Variants in FOXP1 observed in about 807,000 individuals in gnomAD.
FOXP1 encodes forkhead box P1, also known as forkhead box protein P1.
FOXP1 carries 15 observed loss-of-function variants against 98.2 expected under a neutral mutation model. The ratio of observed to expected loss-of-function variants is 0.15; its 90% CI spans 0.10 to 0.24. The LOEUF (loss-of-function observed/expected upper bound fraction) is 0.24. Ranked by LOEUF, FOXP1 falls within the 10% of genes least tolerant of loss-of-function variation. The pLI is 1.00. For synonymous variants in FOXP1, 371 were observed against 314.5 expected (o/e 1.18, Z -1.90); for missense variants, 633 against 848.5 (o/e 0.75, Z 3.15).
intron 12 of FOXP1, among the ~76,000 whole-genome samples, chr3:71,012,919 T>A (rs2043868180): frequency 6.6e-6 from 1 of 152,204 alleles, no homozygotes; most frequent in Non-Finnish European, 1.5e-5. Flanking sequence ...CATGTGCATA[T>A]GTTTGATTAC....
At chr3:71,109,353 C>T (rs1006005952) in intron 7 of FOXP1, among the ~76,000 whole-genome samples, 3 of 152,020 alleles carry the variant, frequency 2.0e-5, no homozygotes, top group African/African-American at 4.8e-5. Flanking sequence ...AACCAGAGAG[C>T]GCTGCCAAAC....
At chr3:71,241,948 T>C (rs1380114831) in intron 5 of FOXP1, among the ~76,000 whole-genome samples, 1 of 152,182 alleles carries the variant, frequency 6.6e-6, no homozygotes, top group African/African-American at 2.4e-5. Context: ...CAGACAGGTC[T>C]GTAGCAGAGG....
rs576282387 is a variant in FOXP1 at position 71,552,284 on chromosome 3, A to G, written c.-298+29265T>C. 2.0e-5 allele frequency among the ~76,000 whole-genome samples: 3 copies of G among 152,276 alleles called. No individual in the cohort carries two copies. In the East Asian group the frequency reaches 5.8e-4, roughly 29 times the overall value. ...ATATAACAAAAACACAGCCCTAATG[A>G]AATTTCAAAAAGATAATCAAATATA... On this transcript the variant is annotated intron_variant, in intron 2 of 20. Transcript: ENST00000649528.
At chr3:70,966,085 A>G in intron 19 of FOXP1, 29 bp from the exon 20 acceptor site, 1 of 1,598,592 alleles carries the variant, frequency 6.3e-7, no homozygotes, top group African/African-American at 1.3e-5. Flanking sequence ...AAATTTATGA[A>G]GACACAGGGT....
intron 7 of FOXP1, among the ~76,000 whole-genome samples, chr3:71,098,653 A>T (rs2056693309): frequency 6.6e-6 from 1 of 152,038 alleles, no homozygotes; most frequent in South Asian, 2.1e-4. Context: ...CTCATTCATC[A>T]CTCAGTTATT....
At chr3:71,453,619 G>A (rs1044330773) in intron 3 of FOXP1, among the ~76,000 whole-genome samples, 27 of 152,104 alleles carry the variant, frequency 1.8e-4, no homozygotes, top group African/African-American at 6.5e-4. Context: ...CCCCAACCTG[G>A]AGAGCCTGAC....
intron 5 of FOXP1, among the ~76,000 whole-genome samples, chr3:71,263,814 G>A (rs942669902): frequency 3.3e-5 from 5 of 151,664 alleles, no homozygotes; most frequent in Non-Finnish European, 5.9e-5. Context: ...AGTGATTCAC[G>A]GCTCACTACA....
In FOXP1 at chr3:71,003,405, G is replaced by A. The variant is rs565644741; in HGVS notation, c.975-2346C>T. On this transcript the variant is annotated intron_variant, in intron 12 of 20. Transcript: ENST00000649528. The stretch of plus-strand genomic sequence containing the variant: ...TATATAAATGAATAAACCCCTTTTG[G>A]ATTCCCTAAGACTCCTTATTTTTTT... Among the ~76,000 whole-genome samples the A allele has an allele frequency of 1.4e-4, 21 of 151,908 alleles. 1 individual carries two copies. Among genetic ancestry groups the A allele is most frequent in the South Asian group, 6.2e-4 (3 of 4,802 alleles).
rs2108503754 is a variant in FOXP1, at chr3:71,452,183, C to G, written c.-168+41243G>C. Among the ~76,000 whole-genome samples the G allele has an allele frequency of 2.0e-5, 3 of 152,278 alleles. No individual in the cohort carries two copies. In the South Asian group the frequency reaches 6.2e-4, roughly 32 times the overall value. On this transcript the variant is annotated intron_variant, in intron 3 of 20. Transcript: ENST00000649528. ...ATATCCATTTCTAATACCTACCACT[C>G]TGCATCTTTGGAAACAATATCATCA...
chr3:70,972,020 A>G (rs2036371921), intron 18 of FOXP1: 2 of 1,438,054 alleles, frequency 1.4e-6, no homozygotes, highest in South Asian at 3.0e-5. Flanking sequence ...CTGTGCGACA[A>G]GCTCGTCAAA....
At chr3:71,565,454 G>GA (rs1041104942) in intron 2 of FOXP1, among the ~76,000 whole-genome samples, 46 of 152,198 alleles carry the variant, frequency 3.0e-4, no homozygotes, top group African/African-American at 1.0e-3. Context: ...TGATGGGGGG[G>GA]GAGCTAAACA....
intron 6 of FOXP1, among the ~76,000 whole-genome samples, chr3:71,189,794 A>G (rs1448511519): frequency 1.3e-5 from 2 of 152,238 alleles, no homozygotes; most frequent in African/African-American, 4.8e-5. Context: ...AGTCTGTCAC[A>G]GAACTGCCCT....
intron 2 of FOXP1, among the ~76,000 whole-genome samples, chr3:71,509,298 A>C (rs2042033713): frequency 6.6e-6 from 1 of 152,126 alleles, no homozygotes; most frequent in African/African-American, 2.4e-5. Flanking sequence ...TGAAAGTCGA[A>C]GATCAAGGTA....
chr3:71,443,906 C>CTCCCAATA (rs1327054752), intron 3 of FOXP1, among the ~76,000 whole-genome samples: 1 of 152,152 alleles, frequency 6.6e-6, no homozygotes, highest in African/African-American at 2.4e-5. Context: ...TTACCCTTCT[C>CTCCCAATA]TCCCAATATT....
At chr3:71,532,886 G>A (rs747108785) in intron 2 of FOXP1, among the ~76,000 whole-genome samples, 5 of 152,144 alleles carry the variant, frequency 3.3e-5, no homozygotes, top group Non-Finnish European at 7.4e-5. Context: ...TTCAGGAGGC[G>A]AGGCGGGGGA....
intron 4 of FOXP1, among the ~76,000 whole-genome samples, chr3:71,319,220 G>A (rs1277034449): frequency 6.6e-6 from 1 of 152,162 alleles, no homozygotes; most frequent in African/African-American, 2.4e-5. Context: ...TTTTTGAGCT[G>A]TGTGGGGTTG....
chr3:71,184,229 A>G (rs1292230150), intron 6 of FOXP1, among the ~76,000 whole-genome samples: 2 of 152,230 alleles, frequency 1.3e-5, no homozygotes, highest in African/African-American at 2.4e-5. Context: ...GCTGACTGCC[A>G]TAGAGCCACT....
At chr3:71,378,947 A>C (rs57866641) in intron 3 of FOXP1, among the ~76,000 whole-genome samples, 8,610 of 152,170 alleles carry the variant, frequency 0.057, 700 homozygotes, top group African/African-American at 0.18. Context: ...CCATCAGAAA[A>C]AGGAAAGAGG....
intron 11 of FOXP1, among the ~76,000 whole-genome samples, chr3:71,033,875 C>T (rs2047218112): frequency 6.6e-6 from 1 of 152,116 alleles, no homozygotes; most frequent in Non-Finnish European, 1.5e-5. Context: ...CTGATTCGCC[C>T]CCAGGGTGCT....
Sources: gnomAD v4.1 joint callset for allele counts (sites outside exome capture counted in the v4.1 genomes callset) on GRCh38, gnomAD v4.1.1 for gene constraint, MANE v1.5 for transcripts, NCBI Gene and HGNC (gene_info 2026-07-23, HGNC 2026-07-21) for gene names.